The following RANBP17 variants were observed in gnomAD, a reference collection of about 807,000 sequenced individuals.
RANBP17 encodes ran-binding protein 17.
A neutral mutation model predicts 141.2 loss-of-function variants in RANBP17; 158 were observed. The observed-to-expected ratio is 1.12, with a 90% CI of 0.98 to 1.28. The LOEUF is 1.28. Among genes scored for constraint, RANBP17 ranks in the 50% most tolerant of loss-of-function variants. The probability of loss-of-function intolerance (pLI) is 0.00; values close to 1 mark genes in which losing one functional copy is unlikely to be tolerated. For missense variants in RANBP17, 1,438 were observed against 1,290.7 expected (o/e 1.11, Z -1.75); for synonymous variants, 430 against 450.0 (o/e 0.96, Z 0.56).
chr5:171,008,099 T>G (rs905569340), intron 14 of RANBP17, among the ~76,000 whole-genome samples: 1 of 152,160 alleles, frequency 6.6e-6, no homozygotes, highest in Admixed American at 6.5e-5. Context: ...CTGCAATGAT[T>G]AAACACCAAG....
At chr5:171,186,284 C>T (rs1043621726) in intron 18 of RANBP17, among the ~76,000 whole-genome samples, 1 of 152,138 alleles carries the variant, frequency 6.6e-6, no homozygotes, top group Non-Finnish European at 1.5e-5. Flanking sequence ...CCACTTTCAT[C>T]AATGGTCTTA....
chr5:171,095,923 A>G (rs910127535), intron 14 of RANBP17, among the ~76,000 whole-genome samples: 2 of 152,152 alleles, frequency 1.3e-5, no homozygotes, highest in African/African-American at 4.8e-5. Context: ...CCTTAAAATA[A>G]AGGAAGGTAG....
In RANBP17 at chr5:171,005,189, A is replaced by G. The variant is rs539672944; in HGVS notation, c.1710+36812A>G. ...CTGCCCAAGGTAATTTATAGATTCA[A>G]TGCCATCCCCATGAAGCTGCCAGTG... On this transcript the variant is annotated intron_variant, in intron 14 of 27. Transcript: ENST00000523189. 5.7e-4 allele frequency among the ~76,000 whole-genome samples: 87 copies of G among 152,318 alleles called. 1 individual carries two copies. Among genetic ancestry groups the G allele is most frequent in the Admixed American group, 1.2e-3 (19 of 15,308 alleles).
chr5:171,158,964 A>G (rs1219009350), intron 14 of RANBP17, among the ~76,000 whole-genome samples: 1 of 152,194 alleles, frequency 6.6e-6, no homozygotes, highest in Non-Finnish European at 1.5e-5. Context: ...TATCTAGGAA[A>G]TATCACTTGA....
intron 20 of RANBP17, chr5:171,206,204 T>C (rs1382001023): frequency 1.8e-5 from 3 of 165,714 alleles, no homozygotes; most frequent in African/African-American, 7.2e-5. Context: ...GAGCATAGAC[T>C]TTGGTGATAG....
At chr5:171,272,073 T>G (rs910171891) in intron 25 of RANBP17, among the ~76,000 whole-genome samples, 1 of 152,212 alleles carries the variant, frequency 6.6e-6, no homozygotes, top group Non-Finnish European at 1.5e-5. Flanking sequence ...GCTATTATCC[T>G]AAGCGAACTA....
chr5:171,083,960 C>CTT (rs56784069), intron 14 of RANBP17, among the ~76,000 whole-genome samples: 98,295 of 146,738 alleles, frequency 0.67, 33,293 homozygotes, highest in South Asian at 0.87. Context: ...GTGGTTATGT[C>CTT]TTTTTTTTTT....
At chr5:170,940,352 C>G (rs1774227037) in intron 12 of RANBP17, among the ~76,000 whole-genome samples, 1 of 152,140 alleles carries the variant, frequency 6.6e-6, no homozygotes, top group African/African-American at 2.4e-5. Flanking sequence ...AATCTGGAAT[C>G]TGAAATGCTC....
At chr5:170,880,330 C>T (rs770995940) in intron 2 of RANBP17, among the ~76,000 whole-genome samples, 1 of 152,204 alleles carries the variant, frequency 6.6e-6, no homozygotes, top group Non-Finnish European at 1.5e-5. Flanking sequence ...GTCTTGTTTT[C>T]AAATTGACTT....
chr5:171,014,949 T>G (rs1047947585), intron 14 of RANBP17, among the ~76,000 whole-genome samples: 1 of 152,090 alleles, frequency 6.6e-6, no homozygotes, highest in Non-Finnish European at 1.5e-5. Flanking sequence ...GGTTGATAGT[T>G]TTTTTCCCCT....
chr5:170,982,362 A>G (rs1777830871), intron 14 of RANBP17, among the ~76,000 whole-genome samples: 3 of 152,216 alleles, frequency 2.0e-5, no homozygotes, highest in Non-Finnish European at 2.9e-5. Flanking sequence ...AATACAATTG[A>G]CAATAGCTAG....
intron 22 of RANBP17, among the ~76,000 whole-genome samples, chr5:171,224,524 T>C (rs1322530275): frequency 6.6e-6 from 1 of 152,196 alleles, no homozygotes; most frequent in African/African-American, 2.4e-5. Flanking sequence ...GCCAAATCTA[T>C]GGGCTTCAAA....
At chr5:171,245,398 T>C (rs901369519) in intron 24 of RANBP17, among the ~76,000 whole-genome samples, 2 of 152,174 alleles carry the variant, frequency 1.3e-5, no homozygotes, top group Non-Finnish European at 2.9e-5. Flanking sequence ...CACTGCAACC[T>C]CCGTCTCCCG....
At chr5:170,978,817 ATAT>A (rs1777567167) in intron 14 of RANBP17, among the ~76,000 whole-genome samples, 1 of 151,914 alleles carries the variant, frequency 6.6e-6, no homozygotes, top group South Asian at 2.1e-4. Context: ...CACTGAGCTC[ATAT>A]TATGATTTGT....
intron 13 of RANBP17, among the ~76,000 whole-genome samples, chr5:170,958,723 T>G (rs1051133067): frequency 6.6e-6 from 1 of 152,186 alleles, no homozygotes; most frequent in African/African-American, 2.4e-5. Flanking sequence ...TGTGCTATTT[T>G]GGCATGAAAA....
At chr5:170,881,587 A>G (rs560891596) in intron 2 of RANBP17, among the ~76,000 whole-genome samples, 15 of 152,170 alleles carry the variant, frequency 9.9e-5, no homozygotes, top group Non-Finnish European at 1.8e-4. Flanking sequence ...GGCTGTCTAC[A>G]TCTCCCTCAA....
intron 14 of RANBP17, among the ~76,000 whole-genome samples, chr5:171,089,462 C>G (rs1408469009): frequency 6.6e-6 from 1 of 152,000 alleles, no homozygotes; most frequent in Non-Finnish European, 1.5e-5. Context: ...GCAGGCAGGC[C>G]TCCTTGAGCT....
chr5:170,878,178 C>T lies in RANBP17; in HGVS notation c.100C>T (p.Leu34Phe). Residue 34 changes from leucine (L) to phenylalanine (F), a missense_variant, in exon 2 of 28, where the codon CTC (leucine) becomes TTC (phenylalanine). Physicochemically the swap from Leu to Phe is conservative, Grantham distance 22. Transcript: ENST00000523189. ...LTQRIEAEKALLELIDSPECL... is the reference protein window; with the variant it reads ...LTQRIEAEKAFLELIDSPECL... ...ACAAAGAATAGAGGCTGAGAAAGCA[C>T]TCTTGGAACTTATTGACAGTCCAGA... 1 of 1,612,986 alleles carries T rather than the reference C, an allele frequency of 6.2e-7. No homozygotes were observed. The highest frequency in any genetic ancestry group is 8.5e-7 in the Non-Finnish European group (1 of 1,179,410).
At chr5:170,909,886 C>A in intron 6 of RANBP17, 121 bp downstream of exon 6, 2 of 590,686 alleles carry the variant, frequency 3.4e-6, no homozygotes, top group Non-Finnish European at 3.0e-6. Context: ...TGTGGACAGA[C>A]TTAAGTATAG....
Sources: gnomAD v4.1 joint callset for allele counts (sites outside exome capture counted in the v4.1 genomes callset) on GRCh38, gnomAD v4.1.1 for gene constraint, MANE v1.5 for transcripts, NCBI Gene and HGNC (gene_info 2026-07-23, HGNC 2026-07-21) for gene names.